Variants in ZFYVE1 observed in about 807,000 individuals in gnomAD.
ZFYVE1 encodes zinc finger FYVE domain-containing protein 1.
In ZFYVE1, 30 loss-of-function variants were observed where a neutral mutation model predicts 74.4. That is an observed-to-expected ratio of 0.40 (90% CI 0.30 to 0.55). The LOEUF is 0.55. Ranked by LOEUF, ZFYVE1 falls within the 20% of genes least tolerant of loss-of-function variation. The pLI, the probability that ZFYVE1 is intolerant of heterozygous loss-of-function variation, is 0.42. For missense variants in ZFYVE1, 703 were observed against 1,011.6 expected (o/e 0.69, Z 4.14); for synonymous variants, 335 against 385.1 (o/e 0.87, Z 1.52).
intron 4 of ZFYVE1, among the ~76,000 whole-genome samples, chr14:72,985,524 G>T (rs190001381): frequency 1.0e-3 from 151 of 151,366 alleles, no homozygotes; most frequent in Middle Eastern, 6.8e-3. Flanking sequence ...TAGAGACAGG[G>T]TTTCACCATG....
intron 2 of ZFYVE1, among the ~76,000 whole-genome samples, chr14:73,002,384 T>C (rs1344360977): frequency 2.0e-5 from 3 of 152,226 alleles, no homozygotes; most frequent in Non-Finnish European, 2.9e-5. Flanking sequence ...TACTGAATTA[T>C]ATACTTTAAA....
intron 2 of ZFYVE1, among the ~76,000 whole-genome samples, chr14:73,019,405 G>A (rs1475596257): frequency 8.1e-6 from 1 of 123,836 alleles, no homozygotes; most frequent in Non-Finnish European, 1.7e-5. Context: ...AACACAGCAA[G>A]ACCCCATCTA....
intron 6 of ZFYVE1, 86 bp downstream of exon 6, chr14:72,978,775 C>T (rs1893246800): frequency 1.8e-6 from 2 of 1,101,850 alleles, no homozygotes; most frequent in Non-Finnish European, 2.8e-6. Flanking sequence ...CAGCATGCAG[C>T]AAAAAATGGC....
Position 72,993,139 on chromosome 14 carries a change from T to G in ZFYVE1, c.1203+4A>C, listed in dbSNP as rs781234554. On this transcript the variant is annotated splice_donor_region_variant and intron_variant, in intron 4 of 11. Coordinates refer to ENST00000556143, the MANE Select transcript of ZFYVE1 (RefSeq NM_021260.4). ...AGAAGCCCTTGGGGCACAAGCCAAC[T>G]GACCTTCAGGGCTTTGAAGATGACT... is the stretch of plus-strand genomic sequence containing the variant. The G allele has an allele frequency of 3.8e-6, 6 of 1,593,418 alleles. No individual in the cohort carries two copies. The South Asian group carries it at 6.7e-5, about 18-fold the overall frequency.
intron 5 of ZFYVE1, among the ~76,000 whole-genome samples, chr14:72,980,594 G>T (rs1594834295): frequency 6.6e-6 from 1 of 151,294 alleles, no homozygotes; most frequent in East Asian, 2.0e-4. Context: ...TTGAGAAAGA[G>T]TCTCACTCTG....
At chr14:73,014,112 A>C (rs972406991) in intron 2 of ZFYVE1, among the ~76,000 whole-genome samples, 2 of 152,186 alleles carry the variant, frequency 1.3e-5, no homozygotes, top group African/African-American at 4.8e-5. Flanking sequence ...GAAAAAAGAG[A>C]ATCATGCAAA....
intron 2 of ZFYVE1, among the ~76,000 whole-genome samples, chr14:73,016,005 C>A (rs1881227801): frequency 6.6e-6 from 1 of 152,162 alleles, no homozygotes; most frequent in African/African-American, 2.4e-5. Flanking sequence ...CCTTTCTTCT[C>A]CTGACAGGTT....
intron 2 of ZFYVE1, among the ~76,000 whole-genome samples, chr14:73,015,702 A>C (rs1351420529): frequency 2.6e-5 from 4 of 152,140 alleles, no homozygotes; most frequent in African/African-American, 9.7e-5. Context: ...TCCATTCCTG[A>C]ACTCCACTAG....
chr14:72,981,910 AGGTGACATATGAT>A lies in ZFYVE1; in HGVS notation c.1204-28_1204-16del. Reference sequence around the variant, plus strand: ...TCACTTAGTGCCTGCCAAGGAGGGAAGGTGACATATGATGGCACTCAGTAGAGAGCTCCGCACT... The same window carrying A: ...TCACTTAGTGCCTGCCAAGGAGGGAAGGCACTCAGTAGAGAGCTCCGCACT... On this transcript the variant is annotated splice_polypyrimidine_tract_variant and intron_variant, in intron 4 of 11. Coordinates refer to ENST00000556143, the MANE Select transcript of ZFYVE1 (RefSeq NM_021260.4). 6.2e-7 allele frequency: 1 copy of A among 1,613,134 alleles called. No individual in the cohort carries two copies. Among genetic ancestry groups the A allele is most frequent in the Non-Finnish European group, 8.5e-7 (1 of 1,179,496 alleles).
intron 4 of ZFYVE1, among the ~76,000 whole-genome samples, chr14:72,983,448 G>A (rs560731195): frequency 7.4e-5 from 11 of 148,416 alleles, no homozygotes; most frequent in South Asian, 4.3e-4. Context: ...GAGAACATGC[G>A]GTGTTTGGTT....
At chr14:73,019,895 G>A (rs574135071) in intron 2 of ZFYVE1, among the ~76,000 whole-genome samples, 81 of 149,516 alleles carry the variant, frequency 5.4e-4, no homozygotes, top group Non-Finnish European at 3.0e-4. Flanking sequence ...AGGTTGCAGT[G>A]AGCCGAGATC....
At position 72,975,055 on chromosome 14, in the gene ZFYVE1, T is replaced by C; in HGVS notation, c.1807-96A>G. ...ACAAGACCCCGGAGCAAGCAGAAAC[T>C]AAGGCAGGTGGCGTTAGCTCAACAA... is the stretch of plus-strand genomic sequence containing the variant. On this transcript the variant is annotated intron_variant, in intron 9 of 11. Coordinates refer to ENST00000556143, the MANE Select transcript of ZFYVE1 (RefSeq NM_021260.4). The surrounding 1 kb of genome is among the most constrained non-coding windows in gnomAD (Gnocchi z 4.1). The C allele has an allele frequency of 7.2e-7, 1 of 1,386,132 alleles. No homozygotes were observed. 85.9% of individuals were successfully genotyped at this position (1,386,132 alleles called of 1,614,324 possible).
intron 2 of ZFYVE1, among the ~76,000 whole-genome samples, chr14:73,006,068 C>T (rs4903088): frequency 0.12 from 18,327 of 151,886 alleles, 2,649 homozygotes; most frequent in African/African-American, 0.35. Context: ...ACTACAGGCC[C>T]GCCACCACGC....
At position 72,971,067 on chromosome 14, in the gene ZFYVE1, C is replaced by G; in HGVS notation, c.2149G>C (p.Glu717Gln). The change falls in exon 12 of 12, where the codon GAA (glutamate) becomes CAA (glutamine). Residue 717 changes from glutamate to glutamine, a missense_variant. Around this residue, in one of 2 missense-constraint regions of ZFYVE1, gnomAD observed 492 missense variants for 790.0 expected, o/e 0.62. Coordinates refer to ENST00000556143, the MANE Select transcript of ZFYVE1 (RefSeq NM_021260.4). Reference protein sequence around the residue: ...ARPAYWVPDHEILHCHNCRKE... With the variant: ...ARPAYWVPDHQILHCHNCRKE... ...CGGCAGTTGTGGCAGTGGAGGATTT[C>G]GTGGTCAGGCACCCAGTACGCAGGC... is the stretch of plus-strand genomic sequence containing the variant. 1.9e-6 allele frequency: 3 copies of G among 1,614,192 alleles called. No homozygotes were observed. In the South Asian group the frequency reaches 3.3e-5, roughly 18 times the overall value.
At chr14:73,002,875 G>C (rs1893902229) in intron 2 of ZFYVE1, among the ~76,000 whole-genome samples, 1 of 150,666 alleles carries the variant, frequency 6.6e-6, no homozygotes, top group Non-Finnish European at 1.5e-5. Flanking sequence ...CAGAGTAGCT[G>C]GGACTACAGG....
intron 2 of ZFYVE1, among the ~76,000 whole-genome samples, chr14:73,012,428 CCTGA>C (rs1894109898): frequency 6.6e-6 from 1 of 152,084 alleles, no homozygotes; most frequent in South Asian, 2.1e-4. Context: ...TCGAGACCAG[CCTGA>C]CTAATGTCAT....
At chr14:72,987,800 G>A (rs1893516191) in intron 4 of ZFYVE1, among the ~76,000 whole-genome samples, 2 of 152,122 alleles carry the variant, frequency 1.3e-5, no homozygotes, top group Non-Finnish European at 2.9e-5. Context: ...TGTGGACCCT[G>A]AGCAAAGGAG....
intron 2 of ZFYVE1, among the ~76,000 whole-genome samples, chr14:73,001,489 G>T (rs1028207852): frequency 6.6e-6 from 1 of 151,770 alleles, no homozygotes; most frequent in African/African-American, 2.4e-5. Context: ...TGAACACACC[G>T]GATCTCATCT....
intron 2 of ZFYVE1, among the ~76,000 whole-genome samples, chr14:73,014,550 T>C (rs1405260847): frequency 1.3e-5 from 2 of 152,242 alleles, no homozygotes; most frequent in African/African-American, 4.8e-5. Context: ...TTTTTTGTTA[T>C]ATTTATATGA....
Sources: allele counts gnomAD v4.1 joint callset (sites outside exome capture counted in the v4.1 genomes callset), GRCh38; gene constraint gnomAD v4.1.1; regional missense constraint gnomAD v4.1.1; non-coding constraint Gnocchi (gnomAD v3.1); transcripts MANE v1.5; gene names NCBI Gene and HGNC (gene_info 2026-07-23, HGNC 2026-07-21).